Variants in NRG1 observed in about 807,000 individuals in gnomAD.
The protein encoded by NRG1 is pro-neuregulin-1, membrane-bound isoform.
A neutral mutation model predicts 63.8 loss-of-function variants in NRG1; 18 were observed. That is an observed-to-expected ratio of 0.28 (90% CI 0.19 to 0.42). NRG1 has a LOEUF of 0.42. Ranked by LOEUF, NRG1 falls within the 10% of genes least tolerant of loss-of-function variation. The probability of loss-of-function intolerance (pLI) is 1.00; values close to 1 mark genes in which losing one functional copy is unlikely to be tolerated. For missense variants in NRG1, 762 were observed against 814.7 expected, an observed-to-expected ratio of 0.94 and a Z score of 0.79; for synonymous variants, 302 against 301.3, an observed-to-expected ratio of 1.00 and a Z score of -0.02.
intron 1 of NRG1, among the ~76,000 whole-genome samples, chr8:32,097,088 C>T (rs1302665962): frequency 1.3e-5 from 2 of 152,184 alleles, no homozygotes; most frequent in Non-Finnish European, 2.9e-5. Context: ...TGAATGAGAA[C>T]ATGCAATATT....
Position 32,327,893 on chromosome 8 carries a change from T to C in NRG1, c.38-267935T>C, listed in dbSNP as rs192864522. On this transcript the variant is annotated intron_variant, in intron 1 of 10. Transcript: ENST00000519301. ...CACTGCTTCCATATTGGCTAGAAAT[T>C]TGGAAGGTTAGAAAAAGTCACCAAC... Among the ~76,000 whole-genome samples the C allele has an allele frequency of 2.6e-5, 4 of 152,254 alleles. No individual in the cohort carries two copies. The East Asian group carries it at 7.7e-4, about 29-fold the overall frequency.
At chr8:32,656,710 C>G (rs1427569874) in intron 5 of NRG1, among the ~76,000 whole-genome samples, 2 of 152,112 alleles carry the variant, frequency 1.3e-5, no homozygotes, top group African/African-American at 2.4e-5. Flanking sequence ...AATACTGGAG[C>G]AATGAGGCAG....
intron 1 of NRG1, among the ~76,000 whole-genome samples, chr8:32,236,748 A>G (rs1241422954): frequency 6.6e-6 from 1 of 152,208 alleles, no homozygotes; most frequent in Non-Finnish European, 1.5e-5. Context: ...AGAAAGAGGC[A>G]GGAAGGAAAT....
At chr8:32,070,229 G>T (rs1230828266) in intron 1 of NRG1, among the ~76,000 whole-genome samples, 2 of 152,156 alleles carry the variant, frequency 1.3e-5, no homozygotes, top group Non-Finnish European at 2.9e-5. Flanking sequence ...CCATGGGGGA[G>T]TTTAAGACCA....
intron 1 of NRG1, among the ~76,000 whole-genome samples, chr8:32,035,055 T>G (rs887663150): frequency 1.3e-5 from 2 of 152,182 alleles, no homozygotes; most frequent in Non-Finnish European, 2.9e-5. Context: ...CAATTTGAGA[T>G]TTTTCTAGCT....
chr8:32,301,037 A>G (rs1392566383), intron 1 of NRG1, among the ~76,000 whole-genome samples: 2 of 152,198 alleles, frequency 1.3e-5, no homozygotes, highest in South Asian at 4.1e-4. Flanking sequence ...GCAATTCTGT[A>G]TTTAGACAAT....
At chr8:31,784,760 G>T (rs1289386155) in intron 1 of NRG1, among the ~76,000 whole-genome samples, 1 of 152,092 alleles carries the variant, frequency 6.6e-6, no homozygotes, top group Non-Finnish European at 1.5e-5. Flanking sequence ...CTCACCAACT[G>T]CTCCTGCCAG....
intron 1 of NRG1, among the ~76,000 whole-genome samples, chr8:32,353,339 A>G (rs1805893300): frequency 6.6e-6 from 1 of 151,272 alleles, no homozygotes; most frequent in Non-Finnish European, 1.5e-5. Flanking sequence ...AATTTAAATA[A>G]TTTAAAATCT....
At chr8:32,028,680 A>G (rs1382209874) in intron 1 of NRG1, among the ~76,000 whole-genome samples, 1 of 152,218 alleles carries the variant, frequency 6.6e-6, no homozygotes, top group Non-Finnish European at 1.5e-5. Flanking sequence ...AAAATTAATA[A>G]CTATAGATTT....
intron 1 of NRG1, among the ~76,000 whole-genome samples, chr8:31,993,529 T>C (rs1811426552): frequency 6.6e-6 from 1 of 151,980 alleles, no homozygotes. Flanking sequence ...GATGGTTTTA[T>C]AAAAGGCAGT....
chr8:32,747,551 A>T (rs1490634553), intron 7 of NRG1, among the ~76,000 whole-genome samples: 1 of 152,060 alleles, frequency 6.6e-6, no homozygotes, highest in East Asian at 1.9e-4. Context: ...TGCTGTGAAT[A>T]TTGTGCAACC....
chr8:31,869,624 G>T lies in NRG1; in HGVS notation c.37+230193G>T, dbSNP rs149602633. Among the ~76,000 whole-genome samples, 526 of 152,240 alleles carry T rather than the reference G, an allele frequency of 3.5e-3. 4 individuals are homozygous for T. The highest frequency in any genetic ancestry group is 5.8e-3 in the Non-Finnish European group (393 of 68,014). On this transcript the variant is annotated intron_variant, in intron 1 of 10. Transcript: ENST00000519301. The stretch of plus-strand genomic sequence containing the variant: ...CTCTTGCCTCGTTTTTGCCTTTCAG[G>T]GATTATTCGTGCTCTGTGTTAGATG...
chr8:32,163,628 T>A (rs900694362), intron 1 of NRG1, among the ~76,000 whole-genome samples: 5 of 152,198 alleles, frequency 3.3e-5, no homozygotes, highest in African/African-American at 9.7e-5. Flanking sequence ...AAATGTTATC[T>A]TATGTTTTTT....
At chr8:32,728,596 GTTTAGT>G in intron 6 of NRG1, 1 of 984,330 alleles carries the variant, frequency 1.0e-6, no homozygotes, top group Non-Finnish European at 1.2e-6. Context: ...TTTAAACGGA[GTTTAGT>G]TTTATATTGC....
At chr8:32,767,420 G>T (rs1831512103) in exon 12 of NRG1, 1 of 152,202 alleles carries the variant, frequency 6.6e-6, no homozygotes, top group Admixed American at 6.5e-5. Context: ...ACCAGCCAGA[G>T]ATTTCTATCT....
intron 1 of NRG1, among the ~76,000 whole-genome samples, chr8:32,559,841 C>CAAAA (rs575336896): frequency 0.029 from 3,696 of 127,070 alleles, 88 homozygotes; most frequent in Non-Finnish European, 0.044. Flanking sequence ...CAAAAAAATA[C>CAAAA]AAAAAAAAAA....
At chr8:32,293,197 T>A (rs1854415826) in intron 1 of NRG1, among the ~76,000 whole-genome samples, 2 of 152,184 alleles carry the variant, frequency 1.3e-5, no homozygotes, top group Non-Finnish European at 2.9e-5. Flanking sequence ...TTCCGTTATA[T>A]GATAAAATAT....
chr8:32,623,546 A>G (rs1303014139), intron 5 of NRG1, among the ~76,000 whole-genome samples: 1 of 152,162 alleles, frequency 6.6e-6, no homozygotes, highest in Non-Finnish European at 1.5e-5. Context: ...ATATAGCAAT[A>G]AAATAATAAT....
At chr8:31,791,951 C>T (rs1429471432) in intron 1 of NRG1, among the ~76,000 whole-genome samples, 1 of 152,180 alleles carries the variant, frequency 6.6e-6, no homozygotes, top group African/African-American at 2.4e-5. Flanking sequence ...CCACTGCTTA[C>T]ATGTTCTAGC....
Sources: gnomAD v4.1 joint callset for allele counts (sites outside exome capture counted in the v4.1 genomes callset) on GRCh38, gnomAD v4.1.1 for gene constraint, MANE v1.5 for transcripts, NCBI Gene and HGNC (gene_info 2026-07-23, HGNC 2026-07-21) for gene names.